The following CHAF1B variants were observed in gnomAD, a reference collection of about 807,000 sequenced individuals.
The protein encoded by CHAF1B is chromatin assembly factor 1 subunit B.
Under a neutral mutation model 60.7 loss-of-function variants are expected in CHAF1B, and 10 were observed. That is an observed-to-expected ratio of 0.16 (90% CI 0.10 to 0.28). CHAF1B has a LOEUF of 0.28. Among genes scored for constraint, CHAF1B ranks in the 10% least tolerant of loss-of-function variants. The pLI, the probability that CHAF1B is intolerant of heterozygous loss-of-function variation, is 1.00. For missense variants in CHAF1B, 558 were observed against 708.4 expected (o/e 0.79, Z 2.41); for synonymous variants, 261 against 266.1 (o/e 0.98, Z 0.19).
intron 3 of CHAF1B, 67 bp from the exon 4 acceptor site, chr21:36,391,484 A>AGAG: frequency 9.7e-7 from 1 of 1,029,298 alleles, no homozygotes. Context: ...AAAAAAATGA[A>AGAG]AATAAAAATC....
rs1401548976 is a variant in CHAF1B, at chr21:36,413,210, C to G, written c.1388C>G (p.Pro463Arg). 3 of 1,613,990 alleles carry G rather than the reference C, an allele frequency of 1.9e-6. No homozygotes were observed. In the African/African-American group the frequency reaches 4.0e-5, roughly 22 times the overall value. The change falls in exon 12 of 14, where the codon CCT becomes CGT. Residue 463 changes from proline to arginine, a missense_variant. Physicochemically the swap from Pro to Arg is moderately radical, Grantham distance 103. Around this residue, in one of 2 missense-constraint regions of CHAF1B, gnomAD observed 233 missense variants for 214.9 expected, o/e 1.08. Transcript: ENST00000314103. ...TPAVKSPLPG[P>R]SEEKTLQPSS... Reference sequence around the variant, plus strand: ...GCTGTCAAAAGCCCCTTGCCGGGGCCTTCGGAGGAGAAGACCCTGCAGCCC... The same window carrying G: ...GCTGTCAAAAGCCCCTTGCCGGGGCGTTCGGAGGAGAAGACCCTGCAGCCC...
At chr21:36,387,819 G>T in intron 3 of CHAF1B, 89 bp downstream of exon 3, 8 of 1,303,640 alleles carry the variant, frequency 6.1e-6, no homozygotes, top group South Asian at 2.7e-5. Context: ...AGCTGGATAT[G>T]CTTTTTTTTT....
At chr21:36,394,923 G>A (rs758396159) in intron 5 of CHAF1B, among the ~76,000 whole-genome samples, 20 of 151,444 alleles carry the variant, frequency 1.3e-4, no homozygotes, top group Middle Eastern at 3.4e-3. Context: ...GTAGAGACGG[G>A]TTTCATCATG....
At chr21:36,387,860 C>T (rs2086047762) in intron 3 of CHAF1B, 130 bp downstream of exon 3, 2 of 1,187,842 alleles carry the variant, frequency 1.7e-6, no homozygotes, top group Middle Eastern at 2.6e-4. Flanking sequence ...CTCTTGTTCC[C>T]CAGGCTGGAG....
At chr21:36,387,015 T>C (rs976235222) in intron 2 of CHAF1B, among the ~76,000 whole-genome samples, 4 of 151,948 alleles carry the variant, frequency 2.6e-5, no homozygotes, top group Non-Finnish European at 4.4e-5. Flanking sequence ...TGCCCGGCTC[T>C]GCTTTCTTAT....
intron 6 of CHAF1B, among the ~76,000 whole-genome samples, chr21:36,398,754 T>G (rs1339428458): frequency 6.6e-6 from 1 of 152,224 alleles, no homozygotes; most frequent in East Asian, 1.9e-4. Flanking sequence ...ACTGGCATAA[T>G]TGCATTTAAT....
chr21:36,396,248 C>T (rs984533066), intron 5 of CHAF1B, among the ~76,000 whole-genome samples: 7 of 149,780 alleles, frequency 4.7e-5, no homozygotes, highest in African/African-American at 1.5e-4. Context: ...GATCTGCCTG[C>T]GTCGGCCTCC....
chr21:36,404,583 C>T (rs531432835), intron 8 of CHAF1B, among the ~76,000 whole-genome samples: 9 of 142,796 alleles, frequency 6.3e-5, no homozygotes, highest in South Asian at 2.3e-4. Flanking sequence ...TACAGGCATG[C>T]GCCACCACGC....
chr21:36,393,248 G>C (rs1231787500), intron 4 of CHAF1B, among the ~76,000 whole-genome samples: 2 of 151,552 alleles, frequency 1.3e-5, no homozygotes, highest in African/African-American at 4.9e-5. Flanking sequence ...AGAGGGAGAG[G>C]GAGAGGATTT....
In CHAF1B at chr21:36,417,442, GCCT is replaced by G. The variant is rs1209640431; in HGVS notation, c.*1078_*1080del. Reference sequence around the variant, plus strand: ...CCTCCTGGGTTCAAACGATTCTCCTGCCTCTGCCTCTTGAGTAGCTAGGATTAC... The same window carrying G: ...CCTCCTGGGTTCAAACGATTCTCCTGCTGCCTCTTGAGTAGCTAGGATTAC... On this transcript the variant is annotated 3_prime_UTR_variant, in exon 14 of 14. Transcript: ENST00000314103. 1.3e-5 allele frequency: 2 copies of G among 151,720 alleles called. No homozygotes were observed. Among genetic ancestry groups the G allele is most frequent in the African/African-American group, 4.9e-5 (2 of 41,226 alleles). 9.4% of individuals were successfully genotyped at this position (151,720 alleles called of 1,614,324 possible). A position where few individuals can be genotyped will look rare whatever the true frequency, so the allele number is the denominator to read the frequency against.
At chr21:36,398,608 C>T (rs1458795058) in intron 6 of CHAF1B, among the ~76,000 whole-genome samples, 6 of 152,220 alleles carry the variant, frequency 3.9e-5, no homozygotes, top group Non-Finnish European at 8.8e-5. Context: ...GACCTGCCTG[C>T]GTTGGCCTCC....
chr21:36,402,196 G>C (rs926470303), intron 7 of CHAF1B, among the ~76,000 whole-genome samples: 1 of 152,170 alleles, frequency 6.6e-6, no homozygotes. Flanking sequence ...GCATGTGCCT[G>C]TAGTCCCAGG....
At position 36,415,322 on chromosome 21, in the gene CHAF1B, G is replaced by A. The variant is rs780304260; in HGVS notation, c.1521G>A (p.Thr507=). The A allele has an allele frequency of 9.2e-5, 148 of 1,611,360 alleles. 1 individual carries two copies. The highest frequency in any genetic ancestry group is 4.2e-4 in the African/African-American group (31 of 74,696). The change falls in exon 13 of 14, where the codon ACG becomes ACA. Residue 507 remains threonine (T), a synonymous_variant. Coordinates refer to ENST00000314103, the MANE Select transcript of CHAF1B (RefSeq NM_005441.3). ...PRRINLTPLK[T]DTPPSSVPTS... ...GAATAAACTTAACACCCTTAAAGAC[G>A]GACACTCCACCAAGTTCTGTACCAA...
rs113332086 is a variant in CHAF1B at position 36,416,879 on chromosome 21, C to G, written c.*513C>G. The G allele has an allele frequency of 1.3e-5, 2 of 152,296 alleles. No individual in the cohort carries two copies. The highest frequency in any genetic ancestry group is 2.4e-5 in the African/African-American group (1 of 41,556). The allele number at this position is 152,296 out of a possible 1,614,324, so 9.4% of individuals were successfully genotyped here. A position where few individuals can be genotyped will look rare whatever the true frequency, so the allele number is the denominator to read the frequency against. ...GTGACGATGCTTATTCTTTTAGTAACTAAGTGAAGTGAAAAAGATGGGTAT... is the reference window on the plus strand; with the variant it reads ...GTGACGATGCTTATTCTTTTAGTAAGTAAGTGAAGTGAAAAAGATGGGTAT... On this transcript the variant is annotated 3_prime_UTR_variant, in exon 14 of 14. Coordinates refer to ENST00000314103, the MANE Select transcript of CHAF1B (RefSeq NM_005441.3).
At chr21:36,399,897 G>A (rs2086172899) in intron 7 of CHAF1B, among the ~76,000 whole-genome samples, 1 of 152,206 alleles carries the variant, frequency 6.6e-6, no homozygotes, top group Non-Finnish European at 1.5e-5. Context: ...TATGGGTGCT[G>A]GCCGGGCGCC....
At chr21:36,416,202 T>C in intron 13 of CHAF1B, 73 bp from the exon 14 acceptor site, 1 of 1,303,170 alleles carries the variant, frequency 7.7e-7, no homozygotes, top group South Asian at 1.3e-5. Flanking sequence ...TGGCTCTGTA[T>C]TCTGTAAATG....
intron 10 of CHAF1B, among the ~76,000 whole-genome samples, chr21:36,411,233 C>T (rs1047561961): frequency 2.6e-5 from 4 of 151,892 alleles, no homozygotes; most frequent in South Asian, 2.1e-4. Flanking sequence ...CCTGTCTCAG[C>T]CTCCTGAGTA....
At chr21:36,389,792 TGTGTGTGTGC>T (rs1245046081) in intron 3 of CHAF1B, among the ~76,000 whole-genome samples, 1 of 130,652 alleles carries the variant, frequency 7.7e-6, no homozygotes, top group Non-Finnish European at 1.5e-5. Flanking sequence ...TGTGTGTGTG[TGTGTGTGTGC>T]GCGCGCACGC....
intron 3 of CHAF1B, among the ~76,000 whole-genome samples, chr21:36,388,331 A>T (rs1601554775): frequency 6.6e-6 from 1 of 152,168 alleles, no homozygotes; most frequent in East Asian, 1.9e-4. Flanking sequence ...CCATTCTGTC[A>T]CATCCCAAGC....
Sources: allele counts gnomAD v4.1 joint callset (sites outside exome capture counted in the v4.1 genomes callset), GRCh38; gene constraint gnomAD v4.1.1; regional missense constraint gnomAD v4.1.1; transcripts MANE v1.5; gene names NCBI Gene and HGNC (gene_info 2026-07-23, HGNC 2026-07-21).